The following NAA16 variants were observed in gnomAD, a reference collection of about 807,000 sequenced individuals.
NAA16 encodes the protein NARG1-like protein.
Under a neutral mutation model 110.3 loss-of-function variants are expected in NAA16, and 97 were observed. That is an observed-to-expected ratio of 0.88 (90% confidence interval 0.75 to 1.04). The LOEUF (loss-of-function observed/expected upper bound fraction) is 1.04. Among genes scored for constraint, NAA16 ranks in the 50% least tolerant of loss-of-function variants. NAA16 has a pLI of 0.00. For missense variants in NAA16, 1,017 were observed against 1,005.1 expected (o/e 1.01, Z -0.16); for synonymous variants, 372 against 330.6 (o/e 1.13, Z -1.36).
chr13:41,345,178 G>A (rs2042648872), intron 9 of NAA16, among the ~76,000 whole-genome samples: 1 of 152,138 alleles, frequency 6.6e-6, no homozygotes, highest in Non-Finnish European at 1.5e-5. Flanking sequence ...GTGTAGACAT[G>A]CTTCCATTTC....
At chr13:41,364,352 T>C (rs2043169439) in intron 13 of NAA16, among the ~76,000 whole-genome samples, 1 of 152,096 alleles carries the variant, frequency 6.6e-6, no homozygotes, top group Non-Finnish European at 1.5e-5. Context: ...ATTTGAAAAA[T>C]TAGAATTCTA....
intron 12 of NAA16, among the ~76,000 whole-genome samples, chr13:41,359,311 TCTTA>T (rs1163513601): frequency 6.6e-6 from 1 of 152,210 alleles, no homozygotes; most frequent in Admixed American, 6.5e-5. Context: ...TTTAATTCTG[TCTTA>T]CTTTTAACTT....
At chr13:41,361,744 T>C (rs2043115920) in intron 12 of NAA16, among the ~76,000 whole-genome samples, 1 of 152,238 alleles carries the variant, frequency 6.6e-6, no homozygotes, top group African/African-American at 2.4e-5. Context: ...TTTATCACAG[T>C]ATTCAGAATG....
At chr13:41,361,987 C>G in intron 12 of NAA16, 44 bp from the exon 13 acceptor site, 1 of 1,594,238 alleles carries the variant, frequency 6.3e-7, no homozygotes, top group East Asian at 2.3e-5. Flanking sequence ...TTTAGGATCT[C>G]TTTCATTGTT....
At chr13:41,365,401 C>T (rs1216097642) in intron 13 of NAA16, among the ~76,000 whole-genome samples, 1 of 152,058 alleles carries the variant, frequency 6.6e-6, no homozygotes, top group Non-Finnish European at 1.5e-5. Context: ...GAAGGGTATA[C>T]AGGACCTTTG....
At position 41,336,649 on chromosome 13, in the gene NAA16, G is replaced by C; in HGVS notation, c.908-1G>C. 6.5e-7 allele frequency: 1 copy of C among 1,548,296 alleles called. No homozygotes were observed. The highest frequency in any genetic ancestry group is 2.3e-5 in the East Asian group (1 of 43,760). Reference sequence around the variant, plus strand: ...ATAACAAAGTACGCTTTTGTTTCTAGGTGAAAGATTTAGAGAACTAATGGA... The same window carrying C: ...ATAACAAAGTACGCTTTTGTTTCTACGTGAAAGATTTAGAGAACTAATGGA... On this transcript the variant is annotated splice_acceptor_variant, in intron 8 of 19. Transcript: ENST00000379406. LOFTEE classifies it high-confidence loss of function.
chr13:41,372,877 G>T, intron 17 of NAA16, 47 bp downstream of exon 17: 1 of 1,444,458 alleles, frequency 6.9e-7, no homozygotes, highest in South Asian at 1.5e-5. Flanking sequence ...TTATTTCTAA[G>T]GGGAGGAGGT....
chr13:41,372,638 C>A, intron 16 of NAA16, 94 bp from the exon 17 acceptor site: 1 of 1,341,216 alleles, frequency 7.5e-7, no homozygotes, highest in Non-Finnish European at 9.6e-7. Flanking sequence ...AAAAAGGTAG[C>A]ATTTTGTTGT....
At chr13:41,366,148 TACA>T (rs1230885981) in intron 13 of NAA16, among the ~76,000 whole-genome samples, 1 of 152,202 alleles carries the variant, frequency 6.6e-6, no homozygotes, top group Non-Finnish European at 1.5e-5. Flanking sequence ...AGTTTTCAAT[TACA>T]ACATCATTAA....
chr13:41,364,079 G>A (rs1171550317), intron 13 of NAA16, among the ~76,000 whole-genome samples: 1 of 152,042 alleles, frequency 6.6e-6, no homozygotes, highest in Non-Finnish European at 1.5e-5. Context: ...GGATTTAGGA[G>A]TAATTACAAG....
intron 8 of NAA16, 87 bp from the exon 9 acceptor site, chr13:41,336,563 C>T: frequency 1.3e-6 from 1 of 793,336 alleles, no homozygotes; most frequent in East Asian, 2.7e-5. Context: ...ATAATTGCTT[C>T]TGAGGGAGCT....
intron 2 of NAA16, among the ~76,000 whole-genome samples, 182 bp from the exon 3 acceptor site, chr13:41,318,624 T>G (rs1336335165): frequency 6.6e-6 from 1 of 152,232 alleles, no homozygotes; most frequent in Non-Finnish European, 1.5e-5. Context: ...GCTGCTAAGC[T>G]TTAAGTAAAT....
chr13:41,328,878 A>G lies in NAA16; in HGVS notation c.811+35A>G, dbSNP rs1442274423. The G allele has an allele frequency of 2.0e-6, 3 of 1,530,362 alleles. No individual in the cohort carries two copies. The South Asian group carries it at 3.5e-5, about 18-fold the overall frequency. The allele number at this position is 1,530,362 out of a possible 1,614,324, so 94.8% of individuals were successfully genotyped here. ...GATTTTTCTCCTCTTTCTCATAACT[A>G]CTGATTGAAGTATAATAAAATGTAA... On this transcript the variant is annotated intron_variant, in intron 7 of 19. Coordinates refer to ENST00000379406, the MANE Select transcript of NAA16 (RefSeq NM_024561.5).
chr13:41,372,259 T>C lies in NAA16; in HGVS notation c.2004T>C (p.Val668=). Reference sequence around the variant, plus strand: ...TCCTTATACCTCTTAAGAACCTTGTTGCTGATAACATTGACACTCATCTGT... The same window carrying C: ...TCCTTATACCTCTTAAGAACCTTGTCGCTGATAACATTGACACTCATCTGT... ...VKFLIPLKNL[V]ADNIDTHLLA... Residue 668 remains valine (V), a synonymous_variant, in exon 16 of 20, where the codon GTT becomes GTC. Coordinates refer to ENST00000379406, the MANE Select transcript of NAA16 (RefSeq NM_024561.5). 1 of 1,604,762 alleles carries C rather than the reference T, an allele frequency of 6.2e-7. No homozygotes were observed. The highest frequency in any genetic ancestry group is 8.5e-7 in the Non-Finnish European group (1 of 1,176,294).
intron 1 of NAA16, among the ~76,000 whole-genome samples, chr13:41,312,785 G>A (rs2483100): frequency 0.053 from 8,027 of 152,016 alleles, 284 homozygotes; most frequent in Non-Finnish European, 0.074. Context: ...ATAGTAGATG[G>A]GATAAAAATT....
intron 10 of NAA16, among the ~76,000 whole-genome samples, chr13:41,357,568 C>A (rs1383291718): frequency 1.3e-5 from 2 of 152,120 alleles, no homozygotes; most frequent in African/African-American, 2.4e-5. Flanking sequence ...TGCTAGGAAA[C>A]CTGTTTGTTT....
At chr13:41,369,972 A>G (rs193227770) in intron 15 of NAA16, among the ~76,000 whole-genome samples, 100 of 152,342 alleles carry the variant, frequency 6.6e-4, no homozygotes, top group Middle Eastern at 3.4e-3. Flanking sequence ...CAGCAATACA[A>G]TTGTCCATTA....
intron 2 of NAA16, among the ~76,000 whole-genome samples, chr13:41,317,795 T>C (rs2041847121): frequency 6.6e-6 from 1 of 152,200 alleles, no homozygotes; most frequent in Non-Finnish European, 1.5e-5. Flanking sequence ...GGCCACAGGA[T>C]CACCATGTTC....
In NAA16 at chr13:41,347,320, T is replaced by A. The variant is rs187421891; in HGVS notation, c.1015-7824T>A. Among the ~76,000 whole-genome samples, 245 of 152,186 alleles carry A rather than the reference T, an allele frequency of 1.6e-3. 1 individual carries two copies. The highest frequency in any genetic ancestry group is 5.6e-3 in the African/African-American group (233 of 41,558). On this transcript the variant is annotated intron_variant, in intron 9 of 19. Coordinates refer to ENST00000379406, the MANE Select transcript of NAA16 (RefSeq NM_024561.5). ...TTTTATTATGTTTGTTTTTCAAGAC[T>A]ATTTTGGTTATTCAGGGTTCCTTTT...
Sources: gnomAD v4.1 joint callset for allele counts (sites outside exome capture counted in the v4.1 genomes callset) on GRCh38, gnomAD v4.1.1 for gene constraint, MANE v1.5 for transcripts, NCBI Gene and HGNC (gene_info 2026-07-23, HGNC 2026-07-21) for gene names.